The following TBC1D1 variants were observed in gnomAD, a reference collection of about 807,000 sequenced individuals.
TBC1D1 encodes TBC1 domain family member 1, also known as TBC1 (tre-2/USP6, BUB2, cdc16) domain family, member 1.
Under a neutral mutation model 125.6 loss-of-function variants are expected in TBC1D1, and 89 were observed. That is an observed-to-expected ratio of 0.71 (90% CI 0.60 to 0.85). TBC1D1 has a LOEUF of 0.85. Ranked by LOEUF, TBC1D1 falls within the 40% of genes least tolerant of loss-of-function variation. The pLI, the probability that TBC1D1 is intolerant of heterozygous loss-of-function variation, is 0.00. For synonymous variants in TBC1D1, 565 were observed against 564.1 expected (o/e 1.00, Z -0.02); for missense variants, 1,377 against 1,469.2 (o/e 0.94, Z 1.03).
At chr4:37,963,074 G>A (rs964000886) in intron 2 of TBC1D1, among the ~76,000 whole-genome samples, 5 of 152,070 alleles carry the variant, frequency 3.3e-5, no homozygotes, top group African/African-American at 1.2e-4. Context: ...ATACAAGCCA[G>A]GTCCTCTGCT....
chr4:37,908,661 T>C (rs1053388963), intron 2 of TBC1D1, among the ~76,000 whole-genome samples: 1 of 152,196 alleles, frequency 6.6e-6, no homozygotes, highest in Non-Finnish European at 1.5e-5. Flanking sequence ...ACGGGACAGA[T>C]GTCATTAATG....
chr4:38,063,217 C>A (rs1298536679), intron 12 of TBC1D1, among the ~76,000 whole-genome samples: 2 of 152,198 alleles, frequency 1.3e-5, no homozygotes, highest in African/African-American at 4.8e-5. Context: ...GCCTCAAAAT[C>A]AGGGCTGGGA....
chr4:37,970,422 G>A (rs1297364491), intron 2 of TBC1D1, among the ~76,000 whole-genome samples: 1 of 152,168 alleles, frequency 6.6e-6, no homozygotes, highest in Non-Finnish European at 1.5e-5. Context: ...TCCTATGCAA[G>A]GCCTGATTTC....
rs548079533 is a variant in TBC1D1 at position 38,133,114 on chromosome 4, C to G, written c.3163C>G (p.Gln1055Glu). The G allele has an allele frequency of 6.2e-7, 1 of 1,614,044 alleles. No homozygotes were observed. The highest frequency in any genetic ancestry group is 1.1e-5 in the South Asian group (1 of 91,042). ...TGAAATGGACATCGCTAAACAGTTA[C>G]AAGCTTATGAAGTTGAGTACCACGT... The change falls in exon 19 of 20, where the codon CAA (glutamine) becomes GAA (glutamate). Residue 1055 changes from glutamine to glutamate, a missense_variant. Coordinates refer to ENST00000261439, the MANE Select transcript of TBC1D1 (RefSeq NM_015173.4).
intron 15 of TBC1D1, among the ~76,000 whole-genome samples, chr4:38,111,166 G>A (rs1236036130): frequency 6.6e-6 from 1 of 152,218 alleles, no homozygotes; most frequent in Non-Finnish European, 1.5e-5. Flanking sequence ...CTCAACACTG[G>A]ATTATACGAA....
intron 14 of TBC1D1, among the ~76,000 whole-genome samples, chr4:38,096,642 G>C (rs906950806): frequency 6.6e-6 from 1 of 152,194 alleles, no homozygotes; most frequent in African/African-American, 2.4e-5. Flanking sequence ...AGAGCGGGCA[G>C]GATTCACTGT....
intron 12 of TBC1D1, among the ~76,000 whole-genome samples, chr4:38,078,200 T>C (rs1055143539): frequency 6.6e-6 from 1 of 152,120 alleles, no homozygotes; most frequent in Non-Finnish European, 1.5e-5. Context: ...CCCCAGGCCT[T>C]CCCTCCCGCT....
intron 2 of TBC1D1, among the ~76,000 whole-genome samples, chr4:37,908,438 T>C (rs1717825858): frequency 6.6e-6 from 1 of 152,148 alleles, no homozygotes; most frequent in African/African-American, 2.4e-5. Flanking sequence ...ACTCCTGGCC[T>C]CAAGTGATCC....
chr4:38,095,922 A>C lies in TBC1D1; in HGVS notation c.2237-7A>C, dbSNP rs752611279. ...TTACTAATGCGCTCTGGAATGGTCTATTCCAGCCTCTGAAAATGATTTGCT... is the reference window on the plus strand; with the variant it reads ...TTACTAATGCGCTCTGGAATGGTCTCTTCCAGCCTCTGAAAATGATTTGCT... On this transcript the variant is annotated splice_region_variant and splice_polypyrimidine_tract_variant and intron_variant, in intron 13 of 19. Transcript: ENST00000261439. 1.2e-6 allele frequency: 2 copies of C among 1,612,508 alleles called. No individual in the cohort carries two copies. Among genetic ancestry groups the C allele is most frequent in the Non-Finnish European group, 1.7e-6 (2 of 1,179,256 alleles).
At chr4:37,968,219 G>A (rs1429432287) in intron 2 of TBC1D1, among the ~76,000 whole-genome samples, 11 of 152,084 alleles carry the variant, frequency 7.2e-5, no homozygotes, top group Admixed American at 7.2e-4. Context: ...CTTACAAGGA[G>A]AAAAAAAGGC....
chr4:37,943,564 T>C (rs562933721), intron 2 of TBC1D1, among the ~76,000 whole-genome samples: 2 of 152,332 alleles, frequency 1.3e-5, no homozygotes, highest in African/African-American at 2.4e-5. Flanking sequence ...CAAACTTCTC[T>C]TCTTGCTTCA....
chr4:37,914,756 C>A (rs1373854778), intron 2 of TBC1D1, among the ~76,000 whole-genome samples: 1 of 152,196 alleles, frequency 6.6e-6, no homozygotes, highest in African/African-American at 2.4e-5. Context: ...ACTCCAGCCA[C>A]CCTGGTGTTT....
chr4:37,972,580 T>C (rs548817371), intron 2 of TBC1D1, among the ~76,000 whole-genome samples: 47 of 151,280 alleles, frequency 3.1e-4, no homozygotes, highest in Admixed American at 1.8e-3. Flanking sequence ...ATTTTTCAGA[T>C]GGGTGGGAGA....
chr4:37,916,598 C>T (rs1234776862), intron 2 of TBC1D1, among the ~76,000 whole-genome samples: 1 of 152,116 alleles, frequency 6.6e-6, no homozygotes, highest in Non-Finnish European at 1.5e-5. Flanking sequence ...GTCTAATCTG[C>T]TTAGCATAAG....
Position 38,027,816 on chromosome 4 carries a change from A to T in TBC1D1, c.1239A>T (p.Glu413Asp). 1 of 1,613,348 alleles carries T rather than the reference A, an allele frequency of 6.2e-7. No homozygotes were observed. Among genetic ancestry groups the T allele is most frequent in the Non-Finnish European group, 8.5e-7 (1 of 1,179,736 alleles). Residue 413 changes from glutamate to aspartate, a missense_variant, in exon 7 of 20, where the codon GAA (glutamate) becomes GAT (aspartate). Transcript: ENST00000261439. ...TGAATTCTTCCAAAACAAAACTAGA[A>T]CTGCAAAAGCACCTGACGACATTAA...
chr4:38,035,668 A>G lies in TBC1D1; in HGVS notation c.1383A>G (p.Lys461=). The change falls in exon 8 of 20, where the codon AAA becomes AAG. Residue 461 remains lysine, a synonymous_variant. Coordinates refer to ENST00000261439, the MANE Select transcript of TBC1D1 (RefSeq NM_015173.4). ...GATGTTTATATGAAGAGAAACAGAA[A>G]GAACACATCCATATTGGGGAGATGA... 2.5e-6 allele frequency: 4 copies of G among 1,613,746 alleles called. No homozygotes were observed. The highest frequency in any genetic ancestry group is 3.4e-6 in the Non-Finnish European group (4 of 1,179,722).
At position 38,044,435 on chromosome 4, in the gene TBC1D1, T is replaced by C; in HGVS notation, c.1487T>C (p.Leu496Pro). Residue 496 changes from leucine to proline, a missense_variant, in exon 9 of 20, where the codon CTG (leucine) becomes CCG (proline). By Grantham distance (98) the Leu-to-Pro change is moderately conservative. Transcript: ENST00000261439. ...GCCACTCGATTTAGGCTAGATATGC[T>C]GAAAAACAAAGCAAAGAGATCTTTA... The C allele has an allele frequency of 2.5e-6, 4 of 1,613,784 alleles. No individual in the cohort carries two copies. Among genetic ancestry groups the C allele is most frequent in the Non-Finnish European group, 2.5e-6 (3 of 1,179,966 alleles).
intron 2 of TBC1D1, among the ~76,000 whole-genome samples, chr4:37,975,972 T>C (rs1732991056): frequency 6.6e-6 from 1 of 152,168 alleles, no homozygotes. Flanking sequence ...TCCTCTCCTT[T>C]TGATATTCAT....
intron 12 of TBC1D1, among the ~76,000 whole-genome samples, chr4:38,082,425 G>A (rs79470611): frequency 0.036 from 5,515 of 152,244 alleles, 174 homozygotes; most frequent in African/African-American, 0.077. Context: ...ATAGGATAGG[G>A]CAAACTGTTA....
Sources: gnomAD v4.1 joint callset for allele counts (sites outside exome capture counted in the v4.1 genomes callset) on GRCh38, gnomAD v4.1.1 for gene constraint, MANE v1.5 for transcripts, NCBI Gene and HGNC (gene_info 2026-07-23, HGNC 2026-07-21) for gene names.